Variants in CC2D2A observed in about 807,000 individuals in gnomAD.
The protein encoded by CC2D2A is coiled-coil and C2 domain containing 2A.
In CC2D2A, 155 loss-of-function variants were observed where a neutral mutation model predicts 212.9. The observed-to-expected ratio is 0.73, with a 90% CI of 0.64 to 0.83. The LOEUF is 0.83. Among genes scored for constraint, CC2D2A ranks in the 40% least tolerant of loss-of-function variants. The probability of loss-of-function intolerance (pLI) is 0.00; values close to 1 mark genes in which losing one functional copy is unlikely to be tolerated. For synonymous variants in CC2D2A, 667 were observed against 686.5 expected, an observed-to-expected ratio of 0.97 and a Z score of 0.44; for missense variants, 1,856 against 1,956.2, an observed-to-expected ratio of 0.95 and a Z score of 0.97.
chr4:15,529,160 A>C (rs976999920), intron 13 of CC2D2A, among the ~76,000 whole-genome samples: 6 of 152,224 alleles, frequency 3.9e-5, no homozygotes, highest in African/African-American at 1.4e-4. Context: ...TAATCCCAGC[A>C]CTTTGGGATG....
chr4:15,569,425 A>T (rs1185639018), intron 27 of CC2D2A, 36 bp downstream of exon 27: 1 of 1,193,138 alleles, frequency 8.4e-7, no homozygotes, highest in Non-Finnish European at 1.2e-6. Flanking sequence ...ACTTGTATTC[A>T]CTTTCATATC....
intron 14 of CC2D2A, among the ~76,000 whole-genome samples, chr4:15,534,822 C>A (rs888716513): frequency 5.9e-5 from 9 of 151,720 alleles, no homozygotes; most frequent in South Asian, 4.2e-4. Flanking sequence ...GACTAGGGAC[C>A]CTGTTGTCGT....
At chr4:15,479,600 C>T (rs1332710187) in intron 3 of CC2D2A, among the ~76,000 whole-genome samples, 1 of 152,122 alleles carries the variant, frequency 6.6e-6, no homozygotes, top group Non-Finnish European at 1.5e-5. Context: ...CACTTTCAGC[C>T]TTTCAAGGGA....
intron 19 of CC2D2A, among the ~76,000 whole-genome samples, chr4:15,554,292 A>C (rs1423926206): frequency 6.6e-6 from 1 of 152,240 alleles, no homozygotes; most frequent in African/African-American, 2.4e-5. Context: ...CAGGACTATT[A>C]ATAAAGCCCC....
At position 15,469,890 on chromosome 4, in the gene CC2D2A, G is replaced by A. The variant is rs1377869497; in HGVS notation, c.-186G>A. ...CTTAGGAACGGGTTGCTAAGCTGGTGTTTTTGCTCCAAGACATGGCTGCAG... is the reference window on the plus strand; with the variant it reads ...CTTAGGAACGGGTTGCTAAGCTGGTATTTTTGCTCCAAGACATGGCTGCAG... On this transcript the variant is annotated 5_prime_UTR_variant, in exon 1 of 37. Transcript: ENST00000424120. The A allele has an allele frequency of 6.6e-6, 1 of 151,968 alleles. No individual in the cohort carries two copies. Among genetic ancestry groups the A allele is most frequent in the East Asian group, 1.9e-4 (1 of 5,190 alleles). The allele number at this position is 151,968 out of a possible 1,614,324, so 9.4% of individuals were successfully genotyped here. A position where few individuals can be genotyped will look rare whatever the true frequency, so the allele number is the denominator to read the frequency against.
chr4:15,531,984 A>G (rs1447434509), intron 13 of CC2D2A, among the ~76,000 whole-genome samples: 1 of 152,110 alleles, frequency 6.6e-6, no homozygotes, highest in African/African-American at 2.4e-5. Flanking sequence ...CATTATGCGG[A>G]TTAGCTCATT....
chr4:15,498,839 T>C (rs1303501072), intron 4 of CC2D2A, among the ~76,000 whole-genome samples: 1 of 152,234 alleles, frequency 6.6e-6, no homozygotes, highest in African/African-American at 2.4e-5. Flanking sequence ...TTGTTTGAAA[T>C]ACCTTTTTAA....
At position 15,480,900 on chromosome 4, in the gene CC2D2A, G is replaced by A; in HGVS notation, c.247+73G>A. The A allele has an allele frequency of 3.3e-6, 5 of 1,519,696 alleles. No homozygotes were observed. In the South Asian group the frequency reaches 5.2e-5, roughly 16 times the overall value. 94.1% of individuals were successfully genotyped at this position (1,519,696 alleles called of 1,614,324 possible). A position where few individuals can be genotyped will look rare whatever the true frequency, so the allele number is the denominator to read the frequency against. On this transcript the variant is annotated intron_variant, in intron 4 of 36. Coordinates refer to ENST00000424120, the MANE Select transcript of CC2D2A (RefSeq NM_001378615.1). ...TGAGCTCAGCACAGAGCAGTATAGG[G>A]ATTTTTTATGGGTGTTATTTTTCAT...
In CC2D2A at chr4:15,531,936, G is replaced by A. The variant is rs1303532585; in HGVS notation, c.1467-1257G>A. 2.6e-5 allele frequency among the ~76,000 whole-genome samples: 4 copies of A among 152,130 alleles called. No individual in the cohort carries two copies. The East Asian group carries it at 7.7e-4, about 29-fold the overall frequency. ...CACCTGATGGTGACAGATAAGATTT[G>A]TAGGCCTCTTACTTGGTATCGGGCA... On this transcript the variant is annotated intron_variant, in intron 13 of 36. Coordinates refer to ENST00000424120, the MANE Select transcript of CC2D2A (RefSeq NM_001378615.1).
At position 15,550,730 on chromosome 4, in the gene CC2D2A, AC is replaced by A. The variant is rs145745458; in HGVS notation, c.2182-92del. 5.9e-4 allele frequency: 527 copies of A among 897,092 alleles called. 5 individuals are homozygous for A. The African/African-American group carries it at 8.0e-3, about 14-fold the overall frequency. The allele number at this position is 897,092 out of a possible 1,614,324, so 55.6% of individuals were successfully genotyped here. A position where few individuals can be genotyped will look rare whatever the true frequency, so the allele number is the denominator to read the frequency against. On this transcript the variant is annotated intron_variant, in intron 17 of 36. Transcript: ENST00000424120. ...ATGAGCCCTTAGGGCTGGAACAGTG[AC>A]CAGCACAAATACTAACAACATGGAC...
chr4:15,578,777 C>T (rs1371468528), intron 29 of CC2D2A, among the ~76,000 whole-genome samples: 1 of 151,286 alleles, frequency 6.6e-6, no homozygotes, highest in Non-Finnish European at 1.5e-5. Context: ...AAGCACGCAT[C>T]ACTACACCTG....
At chr4:15,562,997 A>T (rs542303753) in intron 23 of CC2D2A, among the ~76,000 whole-genome samples, 1 of 152,324 alleles carries the variant, frequency 6.6e-6, no homozygotes, top group South Asian at 2.1e-4. Flanking sequence ...GCAGACAAGG[A>T]AGATGCAGGG....
At chr4:15,491,101 C>T (rs1447036286) in intron 4 of CC2D2A, among the ~76,000 whole-genome samples, 1 of 152,146 alleles carries the variant, frequency 6.6e-6, no homozygotes, top group Admixed American at 6.5e-5. Flanking sequence ...TTGTCTGCGG[C>T]TTGTCCTGCT....
chr4:15,572,423 GACTTTATT>G (rs1720212117), intron 28 of CC2D2A, among the ~76,000 whole-genome samples: 2 of 152,208 alleles, frequency 1.3e-5, no homozygotes, highest in South Asian at 4.2e-4. Context: ...TTTGGAGAAT[GACTTTATT>G]ACTTCTGTCA....
chr4:15,506,962 C>T (rs776663493), intron 6 of CC2D2A, among the ~76,000 whole-genome samples: 4 of 151,566 alleles, frequency 2.6e-5, no homozygotes, highest in African/African-American at 4.8e-5. Flanking sequence ...CCTGTAATCC[C>T]AGCTACTCAG....
At chr4:15,471,214 A>G (rs907718170) in intron 1 of CC2D2A, among the ~76,000 whole-genome samples, 1 of 152,190 alleles carries the variant, frequency 6.6e-6, no homozygotes, top group African/African-American at 2.4e-5. Context: ...CCAGGAGGGA[A>G]CAGAAAAATG....
At chr4:15,483,813 G>T (rs1714837381) in intron 4 of CC2D2A, among the ~76,000 whole-genome samples, 8 of 152,110 alleles carry the variant, frequency 5.3e-5, no homozygotes. Flanking sequence ...GCATTTCTGG[G>T]CTTTGGTTCC....
intron 30 of CC2D2A, among the ~76,000 whole-genome samples, chr4:15,582,005 C>G (rs1720682355): frequency 1.3e-5 from 2 of 152,020 alleles, no homozygotes; most frequent in Admixed American, 6.6e-5. Context: ...AGAATCAGGC[C>G]ATAGTAACTC....
intron 26 of CC2D2A, among the ~76,000 whole-genome samples, chr4:15,568,381 G>A (rs1336777513): frequency 6.6e-6 from 1 of 152,218 alleles, no homozygotes; most frequent in Admixed American, 6.5e-5. Flanking sequence ...ACTTAAGTCA[G>A]GCCGAGCATG....
Sources: allele counts gnomAD v4.1 joint callset (sites outside exome capture counted in the v4.1 genomes callset), GRCh38; gene constraint gnomAD v4.1.1; transcripts MANE v1.5; gene names NCBI Gene and HGNC (gene_info 2026-07-23, HGNC 2026-07-21).